EPHB2: variants seen among roughly 807,000 people sequenced by gnomAD.
The protein encoded by EPHB2 is ephrin type-B receptor 2.
A neutral mutation model predicts 96.4 loss-of-function variants in EPHB2; 18 were observed. That is an observed-to-expected ratio of 0.19 (90% CI 0.13 to 0.28). EPHB2 has a LOEUF of 0.28. Ranked by LOEUF, EPHB2 falls within the 10% of genes least tolerant of loss-of-function variation. The probability of loss-of-function intolerance (pLI) is 1.00; values close to 1 mark genes in which losing one functional copy is unlikely to be tolerated. For missense variants in EPHB2, 989 were observed against 1,355.4 expected (o/e 0.73, Z 4.25); for synonymous variants, 506 against 534.1 (o/e 0.95, Z 0.72).
chr1:22,851,020 G>C (rs1380872403), intron 3 of EPHB2, among the ~76,000 whole-genome samples: 4 of 152,112 alleles, frequency 2.6e-5, no homozygotes, highest in Middle Eastern at 3.2e-3. Context: ...TTAGATACAG[G>C]GTCTTGCTCT....
chr1:22,725,720 C>T (rs998752218), intron 1 of EPHB2, among the ~76,000 whole-genome samples: 3 of 152,154 alleles, frequency 2.0e-5, no homozygotes, highest in African/African-American at 7.2e-5. Context: ...ATTGACTTGG[C>T]CCACACTTTT....
intron 7 of EPHB2, among the ~76,000 whole-genome samples, chr1:22,894,481 C>CCTGT (rs1639490721): frequency 6.6e-6 from 1 of 151,588 alleles, no homozygotes; most frequent in African/African-American, 2.4e-5. Context: ...CCTGTAGTCA[C>CCTGT]AGCTGCTGGA....
At chr1:22,720,547 T>A (rs1373824613) in intron 1 of EPHB2, among the ~76,000 whole-genome samples, 2 of 150,980 alleles carry the variant, frequency 1.3e-5, no homozygotes, top group Non-Finnish European at 2.9e-5. Context: ...GGCTTCGTGT[T>A]TAGTAGGGGG....
At chr1:22,713,539 T>A (rs1643213395) in intron 1 of EPHB2, among the ~76,000 whole-genome samples, 1 of 152,158 alleles carries the variant, frequency 6.6e-6, no homozygotes, top group Non-Finnish European at 1.5e-5. Flanking sequence ...GAAGTCCCCC[T>A]TCAAAGCCAG....
Position 22,906,480 on chromosome 1 carries a change from C to T in EPHB2, c.1889-230C>T, listed in dbSNP as rs570008832. ...CTGCACCCTCACCCCCATGCCCAGCCAGGGATAACCAGAGAACAACCATGA... is the reference window on the plus strand; with the variant it reads ...CTGCACCCTCACCCCCATGCCCAGCTAGGGATAACCAGAGAACAACCATGA... On this transcript the variant is annotated intron_variant, in intron 10 of 15. Transcript: ENST00000374630. The surrounding 1 kb of genome is among the most constrained non-coding windows in gnomAD (Gnocchi z 4.8). Among the ~76,000 whole-genome samples, 48 of 152,300 alleles carry T rather than the reference C, an allele frequency of 3.2e-4. No individual in the cohort carries two copies. The highest frequency in any genetic ancestry group is 2.0e-3 in the Admixed American group (31 of 15,290).
At chr1:22,830,187 G>C (rs1645283871) in intron 3 of EPHB2, among the ~76,000 whole-genome samples, 1 of 152,214 alleles carries the variant, frequency 6.6e-6, no homozygotes, top group Non-Finnish European at 1.5e-5. Context: ...GGCTTTGGCG[G>C]GAATTCCAGG....
chr1:22,737,786 T>C (rs1643862788), intron 1 of EPHB2, among the ~76,000 whole-genome samples: 1 of 152,208 alleles, frequency 6.6e-6, no homozygotes, highest in African/African-American at 2.4e-5. Flanking sequence ...GTTTTATGAA[T>C]GAGAGAATGA....
chr1:22,737,711 C>T (rs1013811722), intron 1 of EPHB2, among the ~76,000 whole-genome samples: 2 of 152,308 alleles, frequency 1.3e-5, no homozygotes, highest in South Asian at 2.1e-4. Context: ...ACTTTCTTGT[C>T]TTATTCATCG....
chr1:22,907,814 C>A, intron 11 of EPHB2, 139 bp from the exon 12 acceptor site: 1 of 1,057,558 alleles, frequency 9.5e-7, no homozygotes, highest in Non-Finnish European at 1.4e-6. Context: ...TCTGGGGTCC[C>A]AAAGCATCTG....
intron 1 of EPHB2, among the ~76,000 whole-genome samples, chr1:22,732,340 G>A (rs1643736530): frequency 6.6e-6 from 1 of 151,722 alleles, no homozygotes; most frequent in Non-Finnish European, 1.5e-5. Context: ...AGAAGGTGGG[G>A]GTGGAAACCT....
intron 1 of EPHB2, among the ~76,000 whole-genome samples, chr1:22,712,112 ACTTTAAG>A (rs1341196423): frequency 1.3e-5 from 2 of 152,228 alleles, no homozygotes; most frequent in Non-Finnish European, 2.9e-5. Context: ...TTGACAAGGT[ACTTTAAG>A]CTTTACAAAG....
chr1:22,791,975 A>C (rs1230523423), intron 3 of EPHB2, among the ~76,000 whole-genome samples: 1 of 152,122 alleles, frequency 6.6e-6, no homozygotes, highest in African/African-American at 2.4e-5. Context: ...GCTGCCTTTG[A>C]GAGTGCCTGT....
chr1:22,768,521 C>G (rs1644336039), intron 1 of EPHB2, among the ~76,000 whole-genome samples: 1 of 151,968 alleles, frequency 6.6e-6, no homozygotes, highest in Non-Finnish European at 1.5e-5. Context: ...ACCCCAGTCT[C>G]TACTAAATAA....
At chr1:22,715,785 G>A (rs558059332) in intron 1 of EPHB2, among the ~76,000 whole-genome samples, 6 of 152,332 alleles carry the variant, frequency 3.9e-5, no homozygotes, top group Non-Finnish European at 1.5e-5. Context: ...CACAGGCAGT[G>A]TGTGGTAGAG....
intron 3 of EPHB2, among the ~76,000 whole-genome samples, chr1:22,820,460 A>C (rs1645137280): frequency 6.6e-6 from 1 of 152,226 alleles, no homozygotes; most frequent in African/African-American, 2.4e-5. Flanking sequence ...CAGGAGTTTG[A>C]GACCAGCCTG....
chr1:22,798,915 C>G (rs1341602781), intron 3 of EPHB2, among the ~76,000 whole-genome samples: 1 of 152,094 alleles, frequency 6.6e-6, no homozygotes, highest in Non-Finnish European at 1.5e-5. Context: ...CCAGTGCTGG[C>G]AGAGTTTCTA....
chr1:22,729,146 G>C (rs1427891534), intron 1 of EPHB2, among the ~76,000 whole-genome samples: 1 of 152,224 alleles, frequency 6.6e-6, no homozygotes, highest in Admixed American at 6.5e-5. Flanking sequence ...GTAATTCTCT[G>C]TGACATCTGT....
rs1035342718 is a variant in EPHB2 at position 22,864,895 on chromosome 1, A to G, written c.986A>G (p.Gln329Arg). 1.4e-6 allele frequency: 2 copies of G among 1,479,762 alleles called. No individual in the cohort carries two copies. The highest frequency in any genetic ancestry group is 2.0e-5 in the Admixed American group (1 of 51,248). The allele number at this position is 1,479,762 out of a possible 1,614,324, so 91.7% of individuals were successfully genotyped here. ...MPCTTIPSAP[Q>R]AVISSVNETS... ...GCCCCAGCCATCCCCTCCGCGCCCCAGGCTGTGATTTCCAGTGTCAATGAG... is the reference window on the plus strand; with the variant it reads ...GCCCCAGCCATCCCCTCCGCGCCCCGGGCTGTGATTTCCAGTGTCAATGAG... The change falls in exon 5 of 16, where the codon CAG becomes CGG. Residue 329 changes from glutamine (Q) to arginine (R), a missense_variant. Transcript: ENST00000374630.
chr1:22,830,020 G>A (rs914710150), intron 3 of EPHB2, among the ~76,000 whole-genome samples: 5 of 152,178 alleles, frequency 3.3e-5, no homozygotes, highest in Admixed American at 3.3e-4. Flanking sequence ...ACAATAAATG[G>A]CTGTGCGAGT....
Sources: allele counts gnomAD v4.1 joint callset (sites outside exome capture counted in the v4.1 genomes callset), GRCh38; gene constraint gnomAD v4.1.1; non-coding constraint Gnocchi (gnomAD v3.1); transcripts MANE v1.5; gene names NCBI Gene and HGNC (gene_info 2026-07-23, HGNC 2026-07-21).